The following FGD4 variants were observed in gnomAD, a reference collection of about 807,000 sequenced individuals.
FGD4 encodes FYVE, RhoGEF and PH domain containing 4, also known as FYVE, RhoGEF and PH domain-containing protein 4.
A neutral mutation model predicts 102.0 loss-of-function variants in FGD4; 42 were observed. The observed-to-expected ratio is 0.41, with a 90% confidence interval of 0.32 to 0.53. The LOEUF (loss-of-function observed/expected upper bound fraction) is 0.53, where lower values mean the gene tolerates loss of function less well. Ranked by LOEUF, FGD4 falls within the 20% of genes least tolerant of loss-of-function variation. The probability of loss-of-function intolerance (pLI) is 0.21; values close to 1 mark genes in which losing one functional copy is unlikely to be tolerated. For synonymous variants in FGD4, 380 were observed against 375.7 expected (o/e 1.01, Z -0.13); for missense variants, 902 against 1,078.2 (o/e 0.84, Z 2.29).
In FGD4 at chr12:32,585,820, C is replaced by T. The variant is rs1473180110; in HGVS notation, c.1011+3353C>T. Among the ~76,000 whole-genome samples, 6 of 122,514 alleles carry T rather than the reference C, an allele frequency of 4.9e-5. No individual in the cohort carries two copies. The Admixed American group carries it at 6.2e-4, about 13-fold the overall frequency. 80.4% of individuals were successfully genotyped at this position (122,514 alleles called of 152,430 possible). On this transcript the variant is annotated intron_variant, in intron 4 of 16. Transcript: ENST00000534526. ...CTTCACTCTCACCTGGGCCACAGAG[C>T]TGAGACCTTGTCTCAAAAAAAAAAA...
Position 32,399,878 on chromosome 12 carries a change from C to G in FGD4, c.85C>G (p.Arg29Gly). 6.5e-7 allele frequency: 1 copy of G among 1,531,166 alleles called. No homozygotes were observed. The highest frequency in any genetic ancestry group is 2.5e-5 in the East Asian group (1 of 40,314). The allele number at this position is 1,531,166 out of a possible 1,614,324, so 94.8% of individuals were successfully genotyped here. Reference protein sequence around the residue: ...NPSYLPPGVPRPWSRPASHLG... With the variant: ...NPSYLPPGVPGPWSRPASHLG... ...CTCCTACCTGCCGCCCGGGGTGCCC[C>G]GGCCCTGGAGCAGGCCCGCGTCGCA... is the stretch of plus-strand genomic sequence containing the variant. Residue 29 changes from arginine to glycine, a missense_variant, in exon 1 of 17, where the codon CGG becomes GGG. Transcript: ENST00000534526.
chr12:32,529,669 C>A (rs1941603795), intron 1 of FGD4, among the ~76,000 whole-genome samples: 1 of 150,926 alleles, frequency 6.6e-6, no homozygotes, highest in African/African-American at 2.4e-5. Context: ...ATGGTGAAAC[C>A]CCATCTCTAC....
chr12:32,463,212 A>C (rs1161769921), intron 1 of FGD4, among the ~76,000 whole-genome samples: 1 of 152,256 alleles, frequency 6.6e-6, no homozygotes, highest in Non-Finnish European at 1.5e-5. Context: ...TATTCAAAAC[A>C]ATAACCATTA....
chr12:32,631,494 A>G (rs1202082690), intron 14 of FGD4, among the ~76,000 whole-genome samples: 1 of 148,584 alleles, frequency 6.7e-6, no homozygotes, highest in Non-Finnish European at 1.5e-5. Flanking sequence ...TTAAATTGAG[A>G]GCAAACAGCT....
intron 10 of FGD4, among the ~76,000 whole-genome samples, chr12:32,619,425 G>C (rs1255311225): frequency 6.6e-6 from 1 of 151,782 alleles, no homozygotes; most frequent in African/African-American, 2.4e-5. Flanking sequence ...TCAGGAGATC[G>C]AGACCATCCT....
chr12:32,405,972 T>C (rs182632002), intron 1 of FGD4, among the ~76,000 whole-genome samples: 337 of 152,124 alleles, frequency 2.2e-3, no homozygotes, highest in Admixed American at 4.3e-3. Flanking sequence ...AGATGGAGTT[T>C]TGCTCTTGTT....
chr12:32,483,043 A>T (rs1363758923), intron 1 of FGD4, among the ~76,000 whole-genome samples: 1 of 152,218 alleles, frequency 6.6e-6, no homozygotes, highest in Non-Finnish European at 1.5e-5. Flanking sequence ...TACGGAATAT[A>T]ATGATGGTGT....
intron 1 of FGD4, chr12:32,486,269 A>G (rs577722833): frequency 1.8e-4 from 168 of 942,878 alleles, no homozygotes; most frequent in Non-Finnish European, 2.3e-4. Context: ...GTTAAGTGAT[A>G]ATAATTTGTA....
intron 1 of FGD4, among the ~76,000 whole-genome samples, chr12:32,521,532 G>A (rs1356281203): frequency 6.6e-6 from 1 of 152,084 alleles, no homozygotes; most frequent in Non-Finnish European, 1.5e-5. Context: ...CTGATGGGCA[G>A]GACTTTATAA....
At chr12:32,539,529 A>AT (rs753301932) in intron 1 of FGD4, among the ~76,000 whole-genome samples, 7 of 151,546 alleles carry the variant, frequency 4.6e-5, no homozygotes, top group Non-Finnish European at 1.0e-4. Flanking sequence ...AGATCGCGCC[A>AT]TTGCACTCCA....
At chr12:32,569,417 A>G (rs1417550517) in intron 2 of FGD4, among the ~76,000 whole-genome samples, 1 of 152,164 alleles carries the variant, frequency 6.6e-6, no homozygotes, top group African/African-American at 2.4e-5. Flanking sequence ...ACTTTTGTCC[A>G]CATGCCCATT....
intron 2 of FGD4, chr12:32,575,017 C>T (rs1946012745): frequency 6.6e-6 from 1 of 152,132 alleles, no homozygotes; most frequent in African/African-American, 2.4e-5. Context: ...GAAGTAATTT[C>T]TTTACTGATT....
chr12:32,625,217 C>CTAAGTGTTCATCACTAAAGTCACTA (rs1950075996), intron 13 of FGD4, 149 bp downstream of exon 13: 2 of 571,906 alleles, frequency 3.5e-6, no homozygotes, highest in African/African-American at 3.8e-5. Flanking sequence ...TAGATGAACA[C>CTAAGTGTTCATCACTAAAGTCACTA]AATAGTGAGT....
chr12:32,400,775 C>G (rs150962156), intron 1 of FGD4, among the ~76,000 whole-genome samples: 163 of 152,328 alleles, frequency 1.1e-3, no homozygotes, highest in African/African-American at 3.8e-3. Context: ...GCTTACGAGG[C>G]AAAACCTCAT....
At chr12:32,625,178 G>A in intron 13 of FGD4, 110 bp downstream of exon 13, 1 of 891,626 alleles carries the variant, frequency 1.1e-6, no homozygotes, top group South Asian at 1.4e-5. Context: ...TGTCAGAACT[G>A]GCTGGTTAGA....
At chr12:32,602,066 G>A in intron 6 of FGD4, 95 bp from the exon 7 acceptor site, 2 of 1,133,260 alleles carry the variant, frequency 1.8e-6, no homozygotes, top group Non-Finnish European at 2.6e-6. Flanking sequence ...AGTGAGCTGT[G>A]ATAATGCCAC....
rs560856188 is a variant in FGD4 at position 32,426,618 on chromosome 12, G to A, written c.166+26659G>A. On this transcript the variant is annotated intron_variant, in intron 1 of 16. Coordinates refer to ENST00000534526, the MANE Select transcript of FGD4 (RefSeq NM_001370298.3). ...GGGATTCCCTCTTTTTCTGTTGTTT[G>A]GAATAGTTTCGGAAGGAATGGTACC... Among the ~76,000 whole-genome samples the A allele has an allele frequency of 1.8e-3, 281 of 152,232 alleles. 3 individuals are homozygous for A. Among genetic ancestry groups the A allele is most frequent in the African/African-American group, 6.5e-3 (269 of 41,522 alleles).
chr12:32,442,777 C>T (rs191276593), intron 1 of FGD4, among the ~76,000 whole-genome samples: 42 of 152,122 alleles, frequency 2.8e-4, no homozygotes, highest in Admixed American at 3.9e-4. Flanking sequence ...ATGCTGGTCT[C>T]GAACTCCTGA....
chr12:32,633,902 C>CA, intron 15 of FGD4, among the ~76,000 whole-genome samples: 1 of 152,156 alleles, frequency 6.6e-6, no homozygotes, highest in South Asian at 2.1e-4. Context: ...CAGCTGGTCT[C>CA]AAACTCCTGA....
Sources: gnomAD v4.1 joint callset for allele counts (sites outside exome capture counted in the v4.1 genomes callset) on GRCh38, gnomAD v4.1.1 for gene constraint, MANE v1.5 for transcripts, NCBI Gene and HGNC (gene_info 2026-07-23, HGNC 2026-07-21) for gene names.